GABRB1: variants seen among roughly 807,000 people sequenced by gnomAD.
The protein encoded by GABRB1 is gamma-aminobutyric acid receptor subunit beta-1.
GABRB1 carries 17 observed loss-of-function variants against 51.6 expected under a neutral mutation model. The ratio of observed to expected loss-of-function variants is 0.33; its 90% CI spans 0.23 to 0.49. The LOEUF (loss-of-function observed/expected upper bound fraction) is 0.49. Ranked by LOEUF, GABRB1 falls within the 20% of genes least tolerant of loss-of-function variation. The pLI, the probability that GABRB1 is intolerant of heterozygous loss-of-function variation, is 0.99. For missense variants in GABRB1, 410 were observed against 600.6 expected (o/e 0.68, Z 3.32); for synonymous variants, 247 against 218.9 (o/e 1.13, Z -1.14).
intron 4 of GABRB1, among the ~76,000 whole-genome samples, chr4:47,251,925 A>G (rs1187831748): frequency 2.0e-5 from 3 of 152,178 alleles, no homozygotes; most frequent in Non-Finnish European, 4.4e-5. Flanking sequence ...TCCCAACTGC[A>G]GAGGGAAAAA....
At chr4:47,212,297 C>T (rs1720389111) in intron 4 of GABRB1, among the ~76,000 whole-genome samples, 3 of 152,248 alleles carry the variant, frequency 2.0e-5, no homozygotes, top group African/African-American at 7.2e-5. Context: ...AGCGGGAGGC[C>T]ACTAACAACA....
intron 4 of GABRB1, among the ~76,000 whole-genome samples, chr4:47,285,692 T>C (rs1043215256): frequency 1.3e-5 from 2 of 152,212 alleles, no homozygotes; most frequent in African/African-American, 4.8e-5. Context: ...ATTGGCCAGT[T>C]TGATAGATCA....
At chr4:47,017,845 G>T (rs1174084542) in intron 1 of GABRB1, among the ~76,000 whole-genome samples, 1 of 152,050 alleles carries the variant, frequency 6.6e-6, no homozygotes, top group Admixed American at 6.5e-5. Flanking sequence ...TTCAGAATAT[G>T]GTTAGAAAAC....
At position 47,169,286 on chromosome 4, in the gene GABRB1, T is replaced by A. The variant is rs140669560; in HGVS notation, c.461+7817T>A. ...TTTGATTATCTTGAGGTAGAGTTTG[T>A]ACAGTGAAAGCAGGATAAATGCTTG... On this transcript the variant is annotated intron_variant, in intron 4 of 8. Transcript: ENST00000295454. 2.6e-3 allele frequency among the ~76,000 whole-genome samples: 399 copies of A among 152,310 alleles called. 2 individuals carry two copies. Among genetic ancestry groups the A allele is most frequent in the African/African-American group, 9.0e-3 (375 of 41,582 alleles).
intron 5 of GABRB1, among the ~76,000 whole-genome samples, chr4:47,331,366 G>T (rs1435003860): frequency 1.3e-5 from 2 of 152,108 alleles, no homozygotes; most frequent in Non-Finnish European, 2.9e-5. Context: ...GCCAGTGGGG[G>T]AATGGAGTTC....
At chr4:47,017,672 A>G (rs1724789703) in intron 1 of GABRB1, among the ~76,000 whole-genome samples, 2 of 152,058 alleles carry the variant, frequency 1.3e-5, no homozygotes, top group South Asian at 2.1e-4. Flanking sequence ...TTCTAGTTTT[A>G]CCACTGAATC....
At chr4:47,104,362 T>C (rs1714855325) in intron 3 of GABRB1, among the ~76,000 whole-genome samples, 1 of 151,924 alleles carries the variant, frequency 6.6e-6, no homozygotes, top group African/African-American at 2.4e-5. Context: ...AATTTATGTC[T>C]ATATTTTATT....
At chr4:47,417,276 TG>T (rs1248881713) in intron 8 of GABRB1, among the ~76,000 whole-genome samples, 19 of 152,086 alleles carry the variant, frequency 1.2e-4, no homozygotes, top group African/African-American at 4.1e-4. Flanking sequence ...TTTTGTTTTT[TG>T]TTTTTTTCCT....
chr4:47,031,740 C>T lies in GABRB1; in HGVS notation c.80+9C>T. 6.2e-7 allele frequency: 1 copy of T among 1,602,422 alleles called. No individual in the cohort carries two copies. Among genetic ancestry groups the T allele is most frequent in the Non-Finnish European group, 8.5e-7 (1 of 1,172,356 alleles). On this transcript the variant is annotated intron_variant, in intron 1 of 8. Coordinates refer to ENST00000295454, the MANE Select transcript of GABRB1 (RefSeq NM_000812.4). ...GTCTGTTGTGCACACAGGTGAGCTG[C>T]TGTTGTTGAATCTCGCTCTCTCTCT...
chr4:47,206,772 G>C (rs959489554), intron 4 of GABRB1, among the ~76,000 whole-genome samples: 2 of 151,162 alleles, frequency 1.3e-5, no homozygotes, highest in African/African-American at 4.9e-5. Context: ...AGAATCAAAT[G>C]GTCCACATTT....
intron 5 of GABRB1, among the ~76,000 whole-genome samples, chr4:47,327,233 G>A (rs1725293535): frequency 6.6e-6 from 1 of 151,972 alleles, no homozygotes; most frequent in Non-Finnish European, 1.5e-5. Context: ...GCATGGGCCT[G>A]TAGTCCCAAC....
At chr4:47,068,286 A>T (rs1034504372) in intron 3 of GABRB1, among the ~76,000 whole-genome samples, 2 of 152,142 alleles carry the variant, frequency 1.3e-5, no homozygotes, top group Non-Finnish European at 2.9e-5. Flanking sequence ...GTCTGTAATA[A>T]AGCTATTTCA....
intron 5 of GABRB1, among the ~76,000 whole-genome samples, chr4:47,350,278 T>TAG (rs1342163949): frequency 1.4e-5 from 2 of 144,036 alleles, no homozygotes; most frequent in African/African-American, 5.2e-5. Context: ...TGTATATATA[T>TAG]ATATATATAG....
intron 5 of GABRB1, among the ~76,000 whole-genome samples, chr4:47,337,046 A>G (rs1171873161): frequency 2.0e-5 from 3 of 152,208 alleles, no homozygotes; most frequent in African/African-American, 7.2e-5. Context: ...TAGAAAAAGG[A>G]GAATAATTAA....
chr4:47,229,498 T>C (rs1279223333), intron 4 of GABRB1, among the ~76,000 whole-genome samples: 2 of 152,180 alleles, frequency 1.3e-5, no homozygotes, highest in Non-Finnish European at 2.9e-5. Context: ...TTGGTAACCA[T>C]GGCGTCTATG....
chr4:47,029,486 T>G (rs934054017), upstream of GABRB1, among the ~76,000 whole-genome samples: 1 of 151,982 alleles, frequency 6.6e-6, no homozygotes. Context: ...TTAAATTTGC[T>G]GAAAACATGT....
At position 47,236,692 on chromosome 4, in the gene GABRB1, C is replaced by T. The variant is rs1189535947; in HGVS notation, c.461+75223C>T. On this transcript the variant is annotated intron_variant, in intron 4 of 8. Coordinates refer to ENST00000295454, the MANE Select transcript of GABRB1 (RefSeq NM_000812.4). The stretch of plus-strand genomic sequence containing the variant: ...GTTCTTACAAGCCAACCAGGTAAAA[C>T]AAAGGCAGAAAGGGAGTAAGTTTAT... Among the ~76,000 whole-genome samples, 3 of 152,198 alleles carry T rather than the reference C, an allele frequency of 2.0e-5. No individual in the cohort carries two copies. In the East Asian group the frequency reaches 5.8e-4, roughly 29 times the overall value.
At chr4:47,131,410 G>A (rs929793901) in intron 3 of GABRB1, among the ~76,000 whole-genome samples, 9 of 152,102 alleles carry the variant, frequency 5.9e-5, no homozygotes, top group East Asian at 1.9e-4. Flanking sequence ...TGCCCGCCTC[G>A]GCCTCCCAAA....
intron 5 of GABRB1, among the ~76,000 whole-genome samples, chr4:47,323,621 C>G (rs1304748665): frequency 6.6e-6 from 1 of 152,102 alleles, no homozygotes; most frequent in Non-Finnish European, 1.5e-5. Context: ...GGTAGACATC[C>G]CACTGATGTA....
Sources: gnomAD v4.1 joint callset for allele counts (sites outside exome capture counted in the v4.1 genomes callset) on GRCh38, gnomAD v4.1.1 for gene constraint, MANE v1.5 for transcripts, NCBI Gene and HGNC (gene_info 2026-07-23, HGNC 2026-07-21) for gene names.